Variants in DOCK10 observed in about 807,000 individuals in gnomAD.
DOCK10 encodes the protein dedicator of cytokinesis 10, also known as dedicator of cytokinesis protein 10.
DOCK10 carries 145 observed loss-of-function variants against 280.1 expected under a neutral mutation model. The ratio of observed to expected loss-of-function variants is 0.52; its 90% CI spans 0.45 to 0.59. The LOEUF is 0.59. Ranked by LOEUF, DOCK10 falls within the 20% of genes least tolerant of loss-of-function variation. The pLI is 0.00. For missense variants in DOCK10, 2,368 were observed against 2,651.7 expected, an observed-to-expected ratio of 0.89 and a Z score of 2.35; for synonymous variants, 915 against 942.2, an observed-to-expected ratio of 0.97 and a Z score of 0.53.
intron 33 of DOCK10, 84 bp downstream of exon 33, chr2:224,807,584 G>T: frequency 1.2e-6 from 1 of 866,484 alleles, no homozygotes; most frequent in South Asian, 1.6e-5. Flanking sequence ...CAGATGAGAA[G>T]AAATGGTTAT....
At chr2:224,938,106 C>T (rs1159641914) in intron 1 of DOCK10, among the ~76,000 whole-genome samples, 1 of 152,138 alleles carries the variant, frequency 6.6e-6, no homozygotes, top group African/African-American at 2.4e-5. Flanking sequence ...AGTAGTTATT[C>T]TTGGTTCTCT....
In DOCK10 at chr2:224,787,099, A is replaced by G. The variant is rs766284242; in HGVS notation, c.5578T>C (p.Tyr1860His). ...SDLYYDIHRS[Y>H]LKVAEVVNSE... ...TTCACCACCTCTGCCACTTTCAGATATGACCGATGAATGTCGTAGTAGAGA... is the reference window on the plus strand; with the variant it reads ...TTCACCACCTCTGCCACTTTCAGATGTGACCGATGAATGTCGTAGTAGAGA... The change falls in exon 50 of 56, where the codon TAT becomes CAT. Residue 1860 changes from tyrosine (Y) to histidine (H), a missense_variant. Tyr to His is a moderately conservative substitution (Grantham distance 83). This residue lies in a region of DOCK10 where 1,159 missense variants were observed against 1,400.8 expected (regional missense o/e 0.83). Coordinates refer to ENST00000258390, the MANE Select transcript of DOCK10 (RefSeq NM_014689.3). The G allele has an allele frequency of 1.2e-5, 19 of 1,613,940 alleles. No homozygotes were observed. The South Asian group carries it at 1.3e-4, about 11-fold the overall frequency.
chr2:224,976,333 A>G (rs1705437741), intron 1 of DOCK10, among the ~76,000 whole-genome samples: 1 of 152,180 alleles, frequency 6.6e-6, no homozygotes, highest in Non-Finnish European at 1.5e-5. Context: ...GCAAACCACC[A>G]TGGCACATGT....
chr2:224,796,227 T>C, intron 44 of DOCK10, 89 bp downstream of exon 44: 1 of 849,364 alleles, frequency 1.2e-6, no homozygotes. Context: ...CTGTACCCAA[T>C]CTATTTTTAT....
At position 224,787,278 on chromosome 2, in the gene DOCK10, G is replaced by T. The variant is rs1221879595; in HGVS notation, c.5538C>A (p.Phe1846Leu). The stretch of plus-strand genomic sequence containing the variant: ...TCTAGGGGGTTGGAATACATACTTT[G>T]AAGTCTCGTTGTTTCTCAAAGACAG... ...IIAVFEKQRD[F>L]KKLSDLYYDI... is the part of the protein sequence containing the mutation. The change falls in exon 49 of 56, where the codon TTC becomes TTA. Residue 1846 changes from phenylalanine to leucine, a missense_variant. Phe to Leu is a conservative substitution (Grantham distance 22, BLOSUM62 0). Coordinates refer to ENST00000258390, the MANE Select transcript of DOCK10 (RefSeq NM_014689.3). 6.2e-7 allele frequency: 1 copy of T among 1,613,934 alleles called. No individual in the cohort carries two copies. Among genetic ancestry groups the T allele is most frequent in the Admixed American group, 1.7e-5 (1 of 60,022 alleles).
rs771274205 is a variant in DOCK10, at chr2:224,823,657, G to C, written c.3037-10C>G. Reference sequence around the variant, plus strand: ...TCTGAGGCCGGGGAAGCTAAGGAAAGAACGGATTATATCTTTCTAATGTGG... The same window carrying C: ...TCTGAGGCCGGGGAAGCTAAGGAAACAACGGATTATATCTTTCTAATGTGG... On this transcript the variant is annotated splice_polypyrimidine_tract_variant and intron_variant, in intron 27 of 55. Coordinates refer to ENST00000258390, the MANE Select transcript of DOCK10 (RefSeq NM_014689.3). 138 of 1,583,572 alleles carry C rather than the reference G, an allele frequency of 8.7e-5. 3 individuals are homozygous for C. The South Asian group carries it at 1.6e-3, about 18-fold the overall frequency.
intron 40 of DOCK10, among the ~76,000 whole-genome samples, 161 bp downstream of exon 40, chr2:224,801,755 T>G (rs1025104603): frequency 6.6e-6 from 1 of 152,142 alleles, no homozygotes; most frequent in Non-Finnish European, 1.5e-5. Context: ...CATAGGGCAC[T>G]ACATTTTTTT....
At chr2:225,004,363 C>G (rs78737296) in intron 1 of DOCK10, among the ~76,000 whole-genome samples, 5,309 of 152,296 alleles carry the variant, frequency 0.035, 120 homozygotes, top group Middle Eastern at 0.061. Flanking sequence ...ATTCTTGGAG[C>G]CACCAGAAAC....
At chr2:224,800,023 C>T (rs1373494307) in intron 41 of DOCK10, 128 bp downstream of exon 41, 2 of 538,104 alleles carry the variant, frequency 3.7e-6, no homozygotes, top group East Asian at 3.0e-5. Flanking sequence ...TCCACTCACA[C>T]TTAGGTTGAT....
intron 1 of DOCK10, among the ~76,000 whole-genome samples, chr2:224,974,303 G>A (rs1052713341): frequency 1.3e-5 from 2 of 152,110 alleles, no homozygotes; most frequent in Non-Finnish European, 2.9e-5. Context: ...ACTAAAATAC[G>A]TTCCAGCAGA....
intron 1 of DOCK10, among the ~76,000 whole-genome samples, chr2:224,937,401 A>G (rs1702752239): frequency 6.6e-6 from 1 of 152,192 alleles, no homozygotes; most frequent in African/African-American, 2.4e-5. Flanking sequence ...ATTGAAAATT[A>G]CCCTACATGT....
intron 2 of DOCK10, among the ~76,000 whole-genome samples, chr2:224,926,509 A>C (rs925822076): frequency 2.0e-5 from 3 of 152,204 alleles, no homozygotes; most frequent in African/African-American, 7.2e-5. Flanking sequence ...TCCAGCCTGG[A>C]TAACAGAGCG....
intron 31 of DOCK10, among the ~76,000 whole-genome samples, chr2:224,810,384 A>T (rs1426545645): frequency 1.3e-5 from 2 of 152,212 alleles, no homozygotes; most frequent in Non-Finnish European, 2.9e-5. Flanking sequence ...ACAAACTTTC[A>T]GTTATAAGAT....
intron 1 of DOCK10, among the ~76,000 whole-genome samples, chr2:225,014,076 A>AATATAC (rs1553632481): frequency 1.1e-5 from 1 of 87,732 alleles, no homozygotes; most frequent in African/African-American, 3.5e-5. Context: ...CAGAAGTCTG[A>AATATAC]ATATATTGTT....
At chr2:224,918,150 T>C (rs1701441533) in intron 2 of DOCK10, among the ~76,000 whole-genome samples, 1 of 152,228 alleles carries the variant, frequency 6.6e-6, no homozygotes, top group East Asian at 1.9e-4. Flanking sequence ...CCTGGACTCT[T>C]ATTTTCTCCA....
intron 1 of DOCK10, among the ~76,000 whole-genome samples, chr2:224,995,616 G>A (rs1404708411): frequency 6.6e-6 from 1 of 152,158 alleles, no homozygotes; most frequent in East Asian, 1.9e-4. Flanking sequence ...CTCCTCACAA[G>A]ACAGAACCAT....
Position 224,783,273 on chromosome 2 carries a change from A to ATT in DOCK10, c.5655+3747_5655+3748dup, listed in dbSNP as rs10713926. On this transcript the variant is annotated intron_variant, in intron 50 of 55. Transcript: ENST00000258390. ...CTTTGCCTTTTAAGCTCAGACTGGA[A>ATT]TTTTTTTTTTTTTTTTCTTGAGGCA... Among the ~76,000 whole-genome samples the ATT allele has an allele frequency of 7.0e-4, 101 of 144,006 alleles. 1 individual carries two copies. Among genetic ancestry groups the ATT allele is most frequent in the Admixed American group, 9.0e-4 (13 of 14,386 alleles). 94.5% of individuals were successfully genotyped at this position (144,006 alleles called of 152,430 possible). A position where few individuals can be genotyped will look rare whatever the true frequency, so the allele number is the denominator to read the frequency against.
intron 1 of DOCK10, among the ~76,000 whole-genome samples, chr2:224,935,183 C>T (rs1270961816): frequency 9.2e-5 from 14 of 152,202 alleles, no homozygotes; most frequent in Admixed American, 9.2e-4. Context: ...TTGTAATAGT[C>T]TGGGCTACCC....
At chr2:225,004,016 C>T (rs962705983) in intron 1 of DOCK10, among the ~76,000 whole-genome samples, 2 of 152,150 alleles carry the variant, frequency 1.3e-5, no homozygotes. Flanking sequence ...TTGACTGTGT[C>T]GTATGTGCTC....
Sources: gnomAD v4.1 joint callset for allele counts (sites outside exome capture counted in the v4.1 genomes callset) on GRCh38, gnomAD v4.1.1 for gene constraint, gnomAD v4.1.1 regional missense constraint, MANE v1.5 for transcripts, NCBI Gene and HGNC (gene_info 2026-07-23, HGNC 2026-07-21) for gene names.